The following AHCTF1 variants were observed in gnomAD, a reference collection of about 807,000 sequenced individuals.
AHCTF1 encodes the protein AT-hook containing transcription factor 1.
Under a neutral mutation model 248.4 loss-of-function variants are expected in AHCTF1, and 24 were observed. The observed-to-expected ratio is 0.10, with a 90% CI of 0.07 to 0.14. AHCTF1 has a LOEUF of 0.14. Ranked by LOEUF, AHCTF1 falls within the 10% of genes least tolerant of loss-of-function variation. The pLI is 1.00. For missense variants in AHCTF1, 2,206 were observed against 2,636.2 expected, an observed-to-expected ratio of 0.84 and a Z score of 3.57; for synonymous variants, 786 against 929.8, an observed-to-expected ratio of 0.85 and a Z score of 2.81.
intron 14 of AHCTF1, among the ~76,000 whole-genome samples, chr1:246,893,985 C>G (rs1241562456): frequency 6.6e-6 from 1 of 152,048 alleles, no homozygotes; most frequent in Non-Finnish European, 1.5e-5. Context: ...AGGAGGATCG[C>G]TTGAGGCCAG....
intron 12 of AHCTF1, among the ~76,000 whole-genome samples, chr1:246,897,347 G>A (rs533517033): frequency 5.9e-5 from 9 of 152,002 alleles, no homozygotes; most frequent in Admixed American, 5.9e-4. Flanking sequence ...ACAAATAAAC[G>A]AAAAAAGTCT....
At chr1:246,918,077 T>A (rs1004474867) in intron 2 of AHCTF1, among the ~76,000 whole-genome samples, 173 bp downstream of exon 2, 16 of 152,200 alleles carry the variant, frequency 1.1e-4, no homozygotes, top group Non-Finnish European at 2.9e-5. Context: ...GGTTCACTGA[T>A]AACATGTTTA....
rs1659694247 is a variant in AHCTF1 at position 246,839,523 on chromosome 1, T to C, written c.*1283A>G. On this transcript the variant is annotated 3_prime_UTR_variant, in exon 36 of 36. Coordinates refer to ENST00000648844, the MANE Select transcript of AHCTF1 (RefSeq NM_001323342.2). ...TTTCAACAAGGCAGCGTAACATCCA[T>C]CACTAACCTGACTAAAAGGCCGCAC... The C allele has an allele frequency of 1.0e-6, 1 of 985,706 alleles. No individual in the cohort carries two copies. The highest frequency in any genetic ancestry group is 6.2e-5 in the Admixed American group (1 of 16,258). The allele number at this position is 985,706 out of a possible 1,614,324, so 61.1% of individuals were successfully genotyped here.
chr1:246,890,123 T>A, intron 16 of AHCTF1, 64 bp from the exon 17 acceptor site: 3 of 1,157,756 alleles, frequency 2.6e-6, no homozygotes, highest in Non-Finnish European at 3.8e-6. Context: ...CAATACATAT[T>A]AATATTTTAC....
chr1:246,847,759 GA>G (rs1448602982), intron 33 of AHCTF1, among the ~76,000 whole-genome samples: 1 of 152,132 alleles, frequency 6.6e-6, no homozygotes, highest in South Asian at 2.1e-4. Flanking sequence ...AGTAGGTACA[GA>G]AATGAAAAAT....
chr1:246,848,359 G>A (rs908604369), intron 33 of AHCTF1, among the ~76,000 whole-genome samples: 3 of 151,142 alleles, frequency 2.0e-5, no homozygotes, highest in Non-Finnish European at 2.9e-5. Context: ...GACTACAGGC[G>A]CCCGCCACCA....
intron 14 of AHCTF1, 79 bp downstream of exon 14, chr1:246,894,580 A>C: frequency 8.8e-7 from 1 of 1,139,506 alleles, no homozygotes; most frequent in East Asian, 2.5e-5. Context: ...AATGATTAAA[A>C]ATTATGTACT....
chr1:246,880,237 T>A (rs1463561908), intron 21 of AHCTF1, among the ~76,000 whole-genome samples: 1 of 150,612 alleles, frequency 6.6e-6, no homozygotes, highest in Non-Finnish European at 1.5e-5. Context: ...TATATATATA[T>A]AAAATATATA....
At chr1:246,854,789 G>C (rs920373368) in intron 31 of AHCTF1, among the ~76,000 whole-genome samples, 1 of 150,314 alleles carries the variant, frequency 6.7e-6, no homozygotes, top group African/African-American at 2.5e-5. Context: ...TGCAGAACTG[G>C]GAAGTGCAGA....
intron 26 of AHCTF1, chr1:246,865,120 G>A (rs1661874695): frequency 1.3e-5 from 2 of 152,158 alleles, no homozygotes; most frequent in Admixed American, 1.3e-4. Flanking sequence ...GGGTTTTCAG[G>A]TGGTAATTTT....
rs1659689766 is a variant in AHCTF1, at chr1:246,839,474, TAATAA to T, written c.*1327_*1331del. ...AGTTTGATAACTATCATTAAAAAAGTAATAAAATCAAAGTCAGTGAAATTTTCAAC... is the reference window on the plus strand; with the variant it reads ...AGTTTGATAACTATCATTAAAAAAGTAATCAAAGTCAGTGAAATTTTCAAC... On this transcript the variant is annotated 3_prime_UTR_variant, in exon 36 of 36. Coordinates refer to ENST00000648844, the MANE Select transcript of AHCTF1 (RefSeq NM_001323342.2). 1 of 918,538 alleles carries T rather than the reference TAATAA, an allele frequency of 1.1e-6. No homozygotes were observed. Among genetic ancestry groups the T allele is most frequent in the African/African-American group, 1.8e-5 (1 of 55,502 alleles). 56.9% of individuals were successfully genotyped at this position (918,538 alleles called of 1,614,324 possible). A position where few individuals can be genotyped will look rare whatever the true frequency, so the allele number is the denominator to read the frequency against.
chr1:246,898,449 A>G (rs1441334740), intron 11 of AHCTF1, 113 bp from the exon 12 acceptor site: 8 of 1,126,540 alleles, frequency 7.1e-6, no homozygotes, highest in African/African-American at 1.6e-5. Flanking sequence ...GCAAGTGGAA[A>G]TTATGAAAGA....
At chr1:246,925,519 C>G (rs1318617400) in intron 1 of AHCTF1, among the ~76,000 whole-genome samples, 2 of 152,198 alleles carry the variant, frequency 1.3e-5, no homozygotes, top group East Asian at 1.9e-4. Context: ...CTCTGGGAAG[C>G]TCAGGCGGAA....
At chr1:246,854,972 T>C (rs1661008847) in intron 31 of AHCTF1, among the ~76,000 whole-genome samples, 1 of 136,956 alleles carries the variant, frequency 7.3e-6, no homozygotes, top group South Asian at 2.3e-4. Flanking sequence ...TTTTACATGT[T>C]AGACAATTCT....
At chr1:246,845,613 T>C (rs956337243) in intron 33 of AHCTF1, among the ~76,000 whole-genome samples, 11 of 152,336 alleles carry the variant, frequency 7.2e-5, no homozygotes, top group Admixed American at 5.9e-4. Flanking sequence ...ATTTCAAATA[T>C]ATAAGGAAAT....
chr1:246,870,955 A>G (rs1381271526), intron 24 of AHCTF1, among the ~76,000 whole-genome samples: 5 of 152,206 alleles, frequency 3.3e-5, no homozygotes, highest in African/African-American at 1.2e-4. Context: ...AAACAATACA[A>G]CTGAGCCTTC....
At chr1:246,867,963 T>G in intron 24 of AHCTF1, 152 bp from the exon 25 acceptor site, 15 of 209,654 alleles carry the variant, frequency 7.2e-5, no homozygotes, top group Non-Finnish European at 1.2e-4. Context: ...TATATATATA[T>G]AATTAATTTT....
intron 1 of AHCTF1, among the ~76,000 whole-genome samples, chr1:246,925,784 A>G (rs1666881574): frequency 6.6e-6 from 1 of 152,054 alleles, no homozygotes; most frequent in Admixed American, 6.6e-5. Flanking sequence ...AATTCACATG[A>G]GATCTGGCTG....
At chr1:246,844,183 C>T (rs1660080108) in intron 33 of AHCTF1, among the ~76,000 whole-genome samples, 2 of 152,084 alleles carry the variant, frequency 1.3e-5, no homozygotes, top group Admixed American at 6.5e-5. Flanking sequence ...TAAAGACAGG[C>T]CATGAAAGCA....
Sources: gnomAD v4.1 joint callset for allele counts (sites outside exome capture counted in the v4.1 genomes callset) on GRCh38, gnomAD v4.1.1 for gene constraint, MANE v1.5 for transcripts, NCBI Gene and HGNC (gene_info 2026-07-23, HGNC 2026-07-21) for gene names.